SIAH2: variants seen among roughly 807,000 people sequenced by gnomAD.
SIAH2 encodes E3 ubiquitin-protein ligase SIAH2.
SIAH2 carries 4 observed loss-of-function variants against 20.4 expected under a neutral mutation model. The observed-to-expected ratio is 0.20, with a 90% CI of 0.10 to 0.45. SIAH2 has a LOEUF of 0.45. Among genes scored for constraint, SIAH2 ranks in the 20% least tolerant of loss-of-function variants. The pLI, the probability that SIAH2 is intolerant of heterozygous loss-of-function variation, is 0.99. For synonymous variants in SIAH2, 171 were observed against 192.5 expected (o/e 0.89, Z 0.93); for missense variants, 259 against 440.3 (o/e 0.59, Z 3.69).
At chr3:150,758,974 A>ACCTCAGGAGTGATGGT (rs1264340104) in intron 1 of SIAH2, among the ~76,000 whole-genome samples, 4 of 150,716 alleles carry the variant, frequency 2.7e-5, no homozygotes, top group Non-Finnish European at 5.9e-5. Flanking sequence ...CAAACTCCTG[A>ACCTCAGGAGTGATGGT]CCTCAGGTGA....
chr3:150,746,670 A>G (rs1035667376), intron 1 of SIAH2, among the ~76,000 whole-genome samples: 3 of 152,218 alleles, frequency 2.0e-5, no homozygotes, highest in Middle Eastern at 3.2e-3. Context: ...AATGTCACGT[A>G]GGGGGCAAAA....
Position 150,762,291 on chromosome 3 carries a change from G to C in SIAH2, c.417+142C>G. The stretch of plus-strand genomic sequence containing the variant: ...CTACACCCAAAGTGGGCTTGAGGGA[G>C]GGTGGACGAAGTGTAAACATTTTTT... On this transcript the variant is annotated intron_variant, in intron 1 of 1. Transcript: ENST00000312960. The surrounding 1 kb of genome is among the most constrained non-coding windows in gnomAD (Gnocchi z 6.6). The C allele has an allele frequency of 6.9e-7, 1 of 1,447,466 alleles. No homozygotes were observed. The highest frequency in any genetic ancestry group is 1.4e-5 in the South Asian group (1 of 70,420). The allele number at this position is 1,447,466 out of a possible 1,614,324, so 89.7% of individuals were successfully genotyped here.
chr3:150,758,034 C>G (rs933364708), intron 1 of SIAH2, among the ~76,000 whole-genome samples: 3 of 152,052 alleles, frequency 2.0e-5, no homozygotes, highest in Non-Finnish European at 4.4e-5. Flanking sequence ...TACTTCTCTC[C>G]TCTCCTCTCC....
At chr3:150,759,937 T>C (rs1184399159) in intron 1 of SIAH2, among the ~76,000 whole-genome samples, 5 of 152,190 alleles carry the variant, frequency 3.3e-5, no homozygotes, top group African/African-American at 1.2e-4. Flanking sequence ...TTATTCAACG[T>C]TGGTTTTTTT....
intron 1 of SIAH2, among the ~76,000 whole-genome samples, chr3:150,757,747 G>A (rs1714516076): frequency 6.6e-6 from 1 of 151,960 alleles, no homozygotes; most frequent in Non-Finnish European, 1.5e-5. Flanking sequence ...TTGGGGGGCC[G>A]AGATAGGAGG....
In SIAH2 at chr3:150,745,240, T is replaced by TACACACACACAC. The variant is rs5853495; in HGVS notation, c.418-2554_418-2543dup. 5.0e-3 allele frequency among the ~76,000 whole-genome samples: 704 copies of TACACACACACAC among 140,656 alleles called. 2 individuals are homozygous for TACACACACACAC. Among genetic ancestry groups the TACACACACACAC allele is most frequent in the East Asian group, 0.026 (122 of 4,678 alleles). 92.3% of individuals were successfully genotyped at this position (140,656 alleles called of 152,430 possible). On this transcript the variant is annotated intron_variant, in intron 1 of 1. Transcript: ENST00000312960. The stretch of plus-strand genomic sequence containing the variant: ...GACTAAAGTCTAAATTTTAACCCCC[T>TACACACACACAC]ACACACACACACACACACACACACA...
rs576517063 is a variant in SIAH2, at chr3:150,742,159, A to G, written c.957T>C (p.Ile319=). 1 of 1,611,270 alleles carries G rather than the reference A, an allele frequency of 6.2e-7. No homozygotes were observed. The highest frequency in any genetic ancestry group is 1.3e-5 in the African/African-American group (1 of 75,006). ...DNGNLGINVT[I]STCCP is the part of the protein sequence containing the mutation. The stretch of plus-strand genomic sequence containing the variant: ...AGTCACATCATGGACAACATGTAGA[A>G]ATAGTAACATTGATTCCAAGGTTCC... The change falls in exon 2 of 2, where the codon ATT becomes ATC. Residue 319 remains isoleucine (I), a synonymous_variant. Coordinates refer to ENST00000312960, the MANE Select transcript of SIAH2 (RefSeq NM_005067.7). The surrounding 1 kb of genome is among the most constrained non-coding windows in gnomAD (Gnocchi z 4.8).
chr3:150,754,333 G>T (rs1714435555), intron 1 of SIAH2, among the ~76,000 whole-genome samples: 1 of 152,148 alleles, frequency 6.6e-6, no homozygotes, highest in South Asian at 2.1e-4. Context: ...ATCTCACATG[G>T]CAAGAGCAGG....
chr3:150,762,756 G>A lies in SIAH2; in HGVS notation c.94C>T (p.Pro32Ser), dbSNP rs1014847702. The change falls in exon 1 of 2, where the codon CCC (proline) becomes TCC (serine). Residue 32 changes from proline (P) to serine (S), a missense_variant. By Grantham distance (74) the Pro-to-Ser change is moderately conservative. Coordinates refer to ENST00000312960, the MANE Select transcript of SIAH2 (RefSeq NM_005067.7). The surrounding 1 kb of genome is among the most constrained non-coding windows in gnomAD (Gnocchi z 6.6). Reference protein sequence around the residue: ...QPQHTPSPAAPPAAATISAAG... With the variant: ...QPQHTPSPAASPAAATISAAG... The stretch of plus-strand genomic sequence containing the variant: ...GCCGAGATGGTGGCGGCGGCCGGGG[G>A]CGCAGCCGGGGACGGAGTGTGCTGG... The A allele has an allele frequency of 5.1e-6, 6 of 1,187,412 alleles. No homozygotes were observed. In the African/African-American group the frequency reaches 8.1e-5, roughly 16 times the overall value. The allele number at this position is 1,187,412 out of a possible 1,614,324, so 73.6% of individuals were successfully genotyped here. A position where few individuals can be genotyped will look rare whatever the true frequency, so the allele number is the denominator to read the frequency against.
At position 150,762,930 on chromosome 3, in the gene SIAH2, G is replaced by A; in HGVS notation, c.-81C>T. ...GGTCAAGGCGGTGCGCGCCCCGCGG[G>A]CAGCGAGCTCCGAGGCAACGCCACG... On this transcript the variant is annotated 5_prime_UTR_variant, in exon 1 of 2. Coordinates refer to ENST00000312960, the MANE Select transcript of SIAH2 (RefSeq NM_005067.7). This position sits in a 1 kb window ranked among gnomAD's most constrained non-coding sequence, Gnocchi z 6.6. 3.6e-6 allele frequency: 4 copies of A among 1,114,282 alleles called. No individual in the cohort carries two copies. Among genetic ancestry groups the A allele is most frequent in the South Asian group, 4.3e-5 (1 of 23,070 alleles). 69.0% of individuals were successfully genotyped at this position (1,114,282 alleles called of 1,614,324 possible).
intron 1 of SIAH2, among the ~76,000 whole-genome samples, chr3:150,756,523 A>G (rs1024193934): frequency 6.6e-6 from 1 of 152,176 alleles, no homozygotes; most frequent in African/African-American, 2.4e-5. Flanking sequence ...ACAGAACGGG[A>G]GAGTCTATCC....
chr3:150,745,567 T>C (rs899906566), intron 1 of SIAH2, among the ~76,000 whole-genome samples: 4 of 151,538 alleles, frequency 2.6e-5, no homozygotes, highest in East Asian at 1.9e-4. Flanking sequence ...GCGATCTCGG[T>C]TCACTGCAAG....
At chr3:150,743,463 C>A (rs1457543455) in intron 1 of SIAH2, among the ~76,000 whole-genome samples, 2 of 152,090 alleles carry the variant, frequency 1.3e-5, no homozygotes, top group African/African-American at 4.8e-5. Flanking sequence ...AGGGCCTAAC[C>A]CTCCTCTCAA....
chr3:150,758,339 T>C (rs1383012737), intron 1 of SIAH2, among the ~76,000 whole-genome samples: 1 of 151,986 alleles, frequency 6.6e-6, no homozygotes, highest in Non-Finnish European at 1.5e-5. Context: ...TTGCTCACAG[T>C]TGTAGAGAGA....
intron 1 of SIAH2, among the ~76,000 whole-genome samples, chr3:150,755,597 C>T (rs1393121979): frequency 6.6e-6 from 1 of 152,102 alleles, no homozygotes; most frequent in African/African-American, 2.4e-5. Context: ...CTCACCACAA[C>T]CTCCGCCTCC....
intron 1 of SIAH2, among the ~76,000 whole-genome samples, chr3:150,755,698 G>A (rs1714473385): frequency 6.6e-6 from 1 of 151,174 alleles, no homozygotes; most frequent in Non-Finnish European, 1.5e-5. Flanking sequence ...TTTATTTTTA[G>A]TAGAGACAGG....
intron 1 of SIAH2, among the ~76,000 whole-genome samples, chr3:150,744,476 G>A (rs1429865229): frequency 6.6e-6 from 1 of 152,206 alleles, no homozygotes; most frequent in Non-Finnish European, 1.5e-5. Context: ...TTATCCATGT[G>A]TATTCATACT....
rs1714087017 is a variant in SIAH2 at position 150,741,518 on chromosome 3, A to G, written c.*623T>C. 1 of 152,430 alleles carries G rather than the reference A, an allele frequency of 6.6e-6. No individual in the cohort carries two copies. Among genetic ancestry groups the G allele is most frequent in the Non-Finnish European group, 1.5e-5 (1 of 68,066 alleles). The allele number at this position is 152,430 out of a possible 1,614,324, so 9.4% of individuals were successfully genotyped here. On this transcript the variant is annotated 3_prime_UTR_variant, in exon 2 of 2. Transcript: ENST00000312960. ...AGACAAACAGTATCGGCAGAGGGCA[A>G]CCTTAAAGCACCTTTAAAATCTGGA...
At chr3:150,758,043 C>G (rs184443183) in intron 1 of SIAH2, among the ~76,000 whole-genome samples, 1 of 152,306 alleles carries the variant, frequency 6.6e-6, no homozygotes, top group African/African-American at 2.4e-5. Context: ...CCTCTCCTCT[C>G]CTCTCATTAC....
Sources: allele counts gnomAD v4.1 joint callset (sites outside exome capture counted in the v4.1 genomes callset), GRCh38; gene constraint gnomAD v4.1.1; non-coding constraint Gnocchi (gnomAD v3.1); transcripts MANE v1.5; gene names NCBI Gene and HGNC (gene_info 2026-07-23, HGNC 2026-07-21).